Variants in ANAPC10 observed in about 807,000 individuals in gnomAD.
ANAPC10 encodes anaphase promoting complex subunit 10, also known as anaphase-promoting complex subunit 10.
A neutral mutation model predicts 22.0 loss-of-function variants in ANAPC10; 12 were observed. The ratio of observed to expected loss-of-function variants is 0.55; its 90% CI spans 0.35 to 0.88. The LOEUF (loss-of-function observed/expected upper bound fraction) is 0.88, where lower values mean the gene tolerates loss of function less well. Ranked by LOEUF, ANAPC10 falls within the 40% of genes least tolerant of loss-of-function variation. The pLI is 0.01. For synonymous variants in ANAPC10, 65 were observed against 69.5 expected (o/e 0.94, Z 0.32); for missense variants, 188 against 220.9 (o/e 0.85, Z 0.94).
intron 4 of ANAPC10, among the ~76,000 whole-genome samples, chr4:145,015,107 A>C (rs117373487): frequency 7.2e-5 from 11 of 152,094 alleles, no homozygotes; most frequent in Non-Finnish European, 1.5e-4. Context: ...CTTACCTGAA[A>C]AAGAATTTGG....
intron 4 of ANAPC10, among the ~76,000 whole-genome samples, chr4:145,045,933 T>C (rs1233171915): frequency 1.3e-5 from 2 of 152,146 alleles, no homozygotes; most frequent in African/African-American, 4.8e-5. Flanking sequence ...TAAGCCAACT[T>C]AACATATGTT....
chr4:145,022,297 G>A (rs1736069467), intron 4 of ANAPC10, among the ~76,000 whole-genome samples: 1 of 151,968 alleles, frequency 6.6e-6, no homozygotes, highest in Non-Finnish European at 1.5e-5. Context: ...ACTGTGGTAT[G>A]TATACCACAG....
intron 2 of ANAPC10, among the ~76,000 whole-genome samples, chr4:145,088,430 T>C (rs2126635657): frequency 6.6e-6 from 1 of 152,278 alleles, no homozygotes; most frequent in Non-Finnish European, 1.5e-5. Context: ...ATATATAAAT[T>C]AAATTATTTA....
chr4:145,060,009 A>G (rs1742651307), intron 4 of ANAPC10, among the ~76,000 whole-genome samples: 2 of 152,120 alleles, frequency 1.3e-5, no homozygotes, highest in East Asian at 1.9e-4. Context: ...CATGCACAAA[A>G]GTAACCCAAC....
At chr4:145,097,527 T>C (rs35955010) in intron 1 of ANAPC10, 2 of 1,287,236 alleles carry the variant, frequency 1.6e-6, no homozygotes, top group East Asian at 1.1e-4. Flanking sequence ...GTATCCGAAG[T>C]TGTTCTTTAA....
chr4:145,074,856 C>T (rs1169035729), intron 3 of ANAPC10, among the ~76,000 whole-genome samples: 2 of 152,176 alleles, frequency 1.3e-5, no homozygotes, highest in East Asian at 3.9e-4. Flanking sequence ...TAGCTCTTAC[C>T]TTTTGGGCTA....
At chr4:145,065,520 A>G (rs1051149374) in intron 3 of ANAPC10, among the ~76,000 whole-genome samples, 1 of 152,050 alleles carries the variant, frequency 6.6e-6, no homozygotes, top group East Asian at 1.9e-4. Context: ...ATTAAAATAC[A>G]GTAACACAAT....
At chr4:145,049,410 T>C (rs971823312) in intron 4 of ANAPC10, among the ~76,000 whole-genome samples, 11 of 152,260 alleles carry the variant, frequency 7.2e-5, no homozygotes, top group African/African-American at 2.7e-4. Context: ...AGTCTTCTTT[T>C]ATCAACTAAG....
At chr4:145,006,029 G>A (rs1196319336) in intron 4 of ANAPC10, among the ~76,000 whole-genome samples, 1 of 151,896 alleles carries the variant, frequency 6.6e-6, no homozygotes, top group Non-Finnish European at 1.5e-5. Context: ...CTGCCTCAAT[G>A]ATCTAATACT....
intron 1 of ANAPC10, among the ~76,000 whole-genome samples, chr4:145,096,676 A>T (rs1347305300): frequency 2.0e-5 from 3 of 152,154 alleles, no homozygotes; most frequent in Non-Finnish European, 2.9e-5. Context: ...AAATACTTTT[A>T]TTCTAGGAAT....
chr4:145,011,944 C>A (rs149509735), intron 4 of ANAPC10, among the ~76,000 whole-genome samples: 16 of 152,064 alleles, frequency 1.1e-4, no homozygotes, highest in African/African-American at 3.4e-4. Context: ...AGGGGCTAGG[C>A]CCCAGAAGTG....
At chr4:145,010,440 T>A (rs1157375857) in intron 4 of ANAPC10, among the ~76,000 whole-genome samples, 5 of 152,132 alleles carry the variant, frequency 3.3e-5, no homozygotes, top group Admixed American at 2.6e-4. Context: ...CCATCGGTGA[T>A]AGACTGGATT....
rs372401997 is a variant in ANAPC10, at chr4:145,064,590, G to A, written c.309C>T (p.His103=). The change falls in exon 4 of 5, where the codon CAC becomes CAT. Residue 103 remains histidine, a synonymous_variant. Transcript: ENST00000507656. ...GACATACCCGAATTTCTTGAAGGTT[G>A]TGAAAATTATTTCCTACTCTGACTG... ...KISVRVGNNF[H]NLQEIRQLEL... The A allele has an allele frequency of 8.0e-5, 129 of 1,605,620 alleles. No individual in the cohort carries two copies. The highest frequency in any genetic ancestry group is 1.7e-4 in the Middle Eastern group (1 of 5,870).
chr4:145,059,793 AAATGCTAT>A (rs1421036562), intron 4 of ANAPC10, among the ~76,000 whole-genome samples: 4 of 152,214 alleles, frequency 2.6e-5, no homozygotes, highest in African/African-American at 9.6e-5. Flanking sequence ...ATATTTTCTA[AAATGCTAT>A]AATGATCACA....
intron 4 of ANAPC10, among the ~76,000 whole-genome samples, chr4:144,997,842 C>A (rs539580190): frequency 6.6e-6 from 1 of 152,056 alleles, no homozygotes; most frequent in Admixed American, 6.6e-5. Flanking sequence ...ACCCATCTCA[C>A]GTGCAGAGAC....
chr4:145,097,493 A>C, intron 1 of ANAPC10: 1 of 1,287,224 alleles, frequency 7.8e-7, no homozygotes, highest in Non-Finnish European at 1.0e-6. Flanking sequence ...AGTTCTGCAT[A>C]CCGTTTCCTT....
intron 4 of ANAPC10, among the ~76,000 whole-genome samples, chr4:145,042,303 T>C (rs999212917): frequency 1.1e-4 from 16 of 152,266 alleles, no homozygotes; most frequent in African/African-American, 3.4e-4. Context: ...GTAGGGTCAG[T>C]TGAAAAATTT....
chr4:145,057,995 C>T (rs1286970033), intron 4 of ANAPC10, among the ~76,000 whole-genome samples: 1 of 152,094 alleles, frequency 6.6e-6, no homozygotes, highest in Non-Finnish European at 1.5e-5. Context: ...TGCTCCAGCT[C>T]CCCCATTCCC....
At chr4:145,003,493 A>C (rs1241039505) in intron 4 of ANAPC10, among the ~76,000 whole-genome samples, 1 of 152,184 alleles carries the variant, frequency 6.6e-6, no homozygotes, top group Non-Finnish European at 1.5e-5. Flanking sequence ...TTACATTCCC[A>C]ACAGCAGTAT....
Sources: gnomAD v4.1 joint callset for allele counts (sites outside exome capture counted in the v4.1 genomes callset) on GRCh38, gnomAD v4.1.1 for gene constraint, MANE v1.5 for transcripts, NCBI Gene and HGNC (gene_info 2026-07-23, HGNC 2026-07-21) for gene names.